KCNMB1: variants seen among roughly 807,000 people sequenced by gnomAD.
KCNMB1 encodes potassium calcium-activated channel subfamily M regulatory beta subunit 1.
A neutral mutation model predicts 21.7 loss-of-function variants in KCNMB1; 22 were observed. That is an observed-to-expected ratio of 1.01 (90% CI 0.72 to 1.45). KCNMB1 has a LOEUF of 1.45. Ranked by LOEUF, KCNMB1 falls within the 40% of genes most tolerant of loss-of-function variation. The pLI, the probability that KCNMB1 is intolerant of heterozygous loss-of-function variation, is 0.00. For synonymous variants in KCNMB1, 114 were observed against 107.6 expected (o/e 1.06, Z -0.37); for missense variants, 243 against 243.4 (o/e 1.00, Z 0.01).
Position 170,377,035 on chromosome 5 carries a change from A to C in KCNMB1, c.*1669T>G, listed in dbSNP as rs566060042. 4.2e-4 allele frequency: 64 copies of C among 152,342 alleles called. No individual in the cohort carries two copies. Among genetic ancestry groups the C allele is most frequent in the African/African-American group, 1.5e-3 (62 of 41,582 alleles). 9.4% of individuals were successfully genotyped at this position (152,342 alleles called of 1,614,324 possible). ...AAGAATCAAAGAGATGAAATCGGGC[A>C]GAGTAGAGACAGGATTCAAACCCAA... On this transcript the variant is annotated 3_prime_UTR_variant, in exon 4 of 4. Coordinates refer to ENST00000274629, the MANE Select transcript of KCNMB1 (RefSeq NM_004137.4).
chr5:170,382,030 C>T (rs1162257251), intron 3 of KCNMB1, among the ~76,000 whole-genome samples: 1 of 152,138 alleles, frequency 6.6e-6, no homozygotes, highest in African/African-American at 2.4e-5. Context: ...CACGCCCCAT[C>T]CCAGGCACCC....
chr5:170,388,024 C>CCCCA (rs1554088671), intron 1 of KCNMB1, among the ~76,000 whole-genome samples: 3 of 152,238 alleles, frequency 2.0e-5, no homozygotes, highest in South Asian at 2.1e-4. Flanking sequence ...ATCAGCCCCC[C>CCCCA]CCAGCGCCCA....
At chr5:170,384,669 G>A (rs1764392258) in intron 2 of KCNMB1, among the ~76,000 whole-genome samples, 1 of 152,234 alleles carries the variant, frequency 6.6e-6, no homozygotes, top group Admixed American at 6.5e-5. Context: ...CCTAAGGACA[G>A]GCTGGGGGAA....
rs1208789334 is a variant in KCNMB1, at chr5:170,378,741, C to T, written c.539G>A (p.Ser180Asn). The stretch of plus-strand genomic sequence containing the variant: ...CGCCAGGATGGACAGGTACTGGTTG[C>T]TCTTCACCATGGCGATAATGAGGAG... ...GGLLIIAMVK[S>N]NQYLSILAAQ... is the part of the protein sequence containing the mutation. Residue 180 changes from serine (S) to asparagine (N), a missense_variant, in exon 4 of 4, where the codon AGC becomes AAC. Ser to Asn is a conservative substitution (Grantham distance 46). Coordinates refer to ENST00000274629, the MANE Select transcript of KCNMB1 (RefSeq NM_004137.4). 5.6e-6 allele frequency: 9 copies of T among 1,613,936 alleles called. No homozygotes were observed. The highest frequency in any genetic ancestry group is 7.6e-6 in the Non-Finnish European group (9 of 1,179,952).
chr5:170,374,742 C>A lies in KCNMB1; in HGVS notation c.*3962G>T, dbSNP rs1357896097. On this transcript the variant is annotated 3_prime_UTR_variant, in exon 4 of 4. Coordinates refer to ENST00000274629, the MANE Select transcript of KCNMB1 (RefSeq NM_004137.4). ...CCAGGCAGATATTATTGCAAAAAAACACGTAGGCACAGGGTCTAACTCCAT... is the reference window on the plus strand; with the variant it reads ...CCAGGCAGATATTATTGCAAAAAAAAACGTAGGCACAGGGTCTAACTCCAT... 2 of 152,170 alleles carry A rather than the reference C, an allele frequency of 1.3e-5. No individual in the cohort carries two copies. Among genetic ancestry groups the A allele is most frequent in the African/African-American group, 4.8e-5 (2 of 41,430 alleles). 9.4% of individuals were successfully genotyped at this position (152,170 alleles called of 1,614,324 possible).
In KCNMB1 at chr5:170,385,475, G is replaced by C; in HGVS notation, c.-24-4C>G. 6.2e-7 allele frequency: 1 copy of C among 1,613,882 alleles called. No individual in the cohort carries two copies. The highest frequency in any genetic ancestry group is 8.5e-7 in the Non-Finnish European group (1 of 1,179,884). ...TCACTGGGGGCAGTGATCATTTCTA[G>C]GTCCACAGAAGCAAACAGAAGTGAG... On this transcript the variant is annotated splice_polypyrimidine_tract_variant and splice_region_variant and intron_variant, in intron 1 of 3. Coordinates refer to ENST00000274629, the MANE Select transcript of KCNMB1 (RefSeq NM_004137.4).
At chr5:170,386,303 G>A (rs1415808589) in intron 1 of KCNMB1, among the ~76,000 whole-genome samples, 2 of 152,192 alleles carry the variant, frequency 1.3e-5, no homozygotes, top group East Asian at 3.9e-4. Flanking sequence ...AGAGTGATGT[G>A]ACCACAGGCC....
chr5:170,384,960 C>T (rs954358698), intron 2 of KCNMB1, among the ~76,000 whole-genome samples: 15 of 152,220 alleles, frequency 9.9e-5, no homozygotes, highest in African/African-American at 3.6e-4. Flanking sequence ...GAGAATTATG[C>T]AGCTGAGCTG....
chr5:170,386,675 C>T (rs937110446), intron 1 of KCNMB1, among the ~76,000 whole-genome samples: 1 of 151,414 alleles, frequency 6.6e-6, no homozygotes, highest in Admixed American at 6.6e-5. Flanking sequence ...GGAGGTTTAC[C>T]ATATTCCGGT....
In KCNMB1 at chr5:170,378,638, G is replaced by T. The variant is rs1006544614; in HGVS notation, c.*66C>A. On this transcript the variant is annotated 3_prime_UTR_variant, in exon 4 of 4. Coordinates refer to ENST00000274629, the MANE Select transcript of KCNMB1 (RefSeq NM_004137.4). ...GAGAAGGCATTGTGCTGCAAGTGGG[G>T]AGCAGCCCTGGGGGCCCAGCCAGTC... The T allele has an allele frequency of 2.6e-5, 39 of 1,505,064 alleles. No homozygotes were observed. Among genetic ancestry groups the T allele is most frequent in the Admixed American group, 1.7e-4 (8 of 45,938 alleles). The allele number at this position is 1,505,064 out of a possible 1,614,324, so 93.2% of individuals were successfully genotyped here. A position where few individuals can be genotyped will look rare whatever the true frequency, so the allele number is the denominator to read the frequency against.
At chr5:170,385,901 T>A (rs949189108) in intron 1 of KCNMB1, among the ~76,000 whole-genome samples, 1 of 151,644 alleles carries the variant, frequency 6.6e-6, no homozygotes, top group East Asian at 1.9e-4. Flanking sequence ...GGGCGGATCA[T>A]GAGGTCAGGA....
rs550193071 is a variant in KCNMB1, at chr5:170,388,509, A to G, written c.-25+750T>C. On this transcript the variant is annotated intron_variant, in intron 1 of 3. Transcript: ENST00000274629. ...CTAAATATCTCTGAAGTTCCAGGAT[A>G]TATCTTCCCATTTAGAAAGGTCACT... 2.0e-5 allele frequency among the ~76,000 whole-genome samples: 3 copies of G among 152,358 alleles called. No individual in the cohort carries two copies. In the East Asian group the frequency reaches 5.8e-4, roughly 29 times the overall value.
Position 170,378,590 on chromosome 5 carries a change from C to A in KCNMB1, c.*114G>T, listed in dbSNP as rs45530435. 9.0e-7 allele frequency: 1 copy of A among 1,115,430 alleles called. No homozygotes were observed. The highest frequency in any genetic ancestry group is 2.4e-5 in the East Asian group (1 of 42,294). The allele number at this position is 1,115,430 out of a possible 1,614,324, so 69.1% of individuals were successfully genotyped here. A position where few individuals can be genotyped will look rare whatever the true frequency, so the allele number is the denominator to read the frequency against. On this transcript the variant is annotated 3_prime_UTR_variant, in exon 4 of 4. Coordinates refer to ENST00000274629, the MANE Select transcript of KCNMB1 (RefSeq NM_004137.4). ...GCAACAGAAGACAGCGTGGATTGGA[C>A]TGGAAGAGTGGGAGGGCAGGTGGAG...
chr5:170,380,712 A>G (rs1764204861), intron 3 of KCNMB1, among the ~76,000 whole-genome samples: 1 of 152,214 alleles, frequency 6.6e-6, no homozygotes, highest in South Asian at 2.1e-4. Flanking sequence ...TCCTGAGCTG[A>G]CGGTGAGGGG....
At chr5:170,380,734 G>A (rs1449695471) in intron 3 of KCNMB1, among the ~76,000 whole-genome samples, 1 of 152,186 alleles carries the variant, frequency 6.6e-6, no homozygotes, top group African/African-American at 2.4e-5. Flanking sequence ...CCTGGCCTGA[G>A]TCTCTCCAAT....
chr5:170,380,361 A>G (rs1472520109), intron 3 of KCNMB1, among the ~76,000 whole-genome samples: 1 of 152,218 alleles, frequency 6.6e-6, no homozygotes, highest in African/African-American at 2.4e-5. Context: ...TCCTTCATGC[A>G]CTTAATTTTG....
chr5:170,387,985 G>T (rs1436239908), intron 1 of KCNMB1, among the ~76,000 whole-genome samples: 1 of 152,146 alleles, frequency 6.6e-6, no homozygotes, highest in South Asian at 2.1e-4. Flanking sequence ...TCGCACCTGT[G>T]GGGGCTTCCT....
rs1181067455 is a variant in KCNMB1 at position 170,374,919 on chromosome 5, G to T, written c.*3785C>A. ...GAAGGTCATCATTAATAATTTATGG[G>T]ACAGTGGGGGTTAGGCATCCTCACA... On this transcript the variant is annotated 3_prime_UTR_variant, in exon 4 of 4. Transcript: ENST00000274629. The T allele has an allele frequency of 6.6e-6, 1 of 152,158 alleles. No homozygotes were observed. Among genetic ancestry groups the T allele is most frequent in the Non-Finnish European group, 1.5e-5 (1 of 68,038 alleles). 9.4% of individuals were successfully genotyped at this position (152,158 alleles called of 1,614,324 possible).
chr5:170,380,031 ACTATGTTGG>A (rs995957276), intron 3 of KCNMB1, among the ~76,000 whole-genome samples: 1 of 152,192 alleles, frequency 6.6e-6, no homozygotes, highest in African/African-American at 2.4e-5. Flanking sequence ...CAGCAAACAA[ACTATGTTGG>A]CAAGCGGGTA....
Sources: allele counts gnomAD v4.1 joint callset (sites outside exome capture counted in the v4.1 genomes callset), GRCh38; gene constraint gnomAD v4.1.1; transcripts MANE v1.5; gene names NCBI Gene and HGNC (gene_info 2026-07-23, HGNC 2026-07-21).